The following SPARCL1 variants were observed in gnomAD, a reference collection of about 807,000 sequenced individuals.
SPARCL1 encodes SPARC like 1, also known as SPARC-like protein 1.
SPARCL1 carries 52 observed loss-of-function variants against 67.1 expected under a neutral mutation model. The observed-to-expected ratio is 0.78, with a 90% CI of 0.62 to 0.98. The LOEUF is 0.98. Ranked by LOEUF, SPARCL1 falls within the 50% of genes least tolerant of loss-of-function variation. The pLI, the probability that SPARCL1 is intolerant of heterozygous loss-of-function variation, is 0.00. For synonymous variants in SPARCL1, 226 were observed against 267.8 expected, an observed-to-expected ratio of 0.84 and a Z score of 1.52; for missense variants, 717 against 782.4, an observed-to-expected ratio of 0.92 and a Z score of 1.00.
In SPARCL1 at chr4:87,493,890, C is replaced by T; in HGVS notation, c.910G>A (p.Ala304Thr). 1 of 1,614,168 alleles carries T rather than the reference C, an allele frequency of 6.2e-7. No individual in the cohort carries two copies. The highest frequency in any genetic ancestry group is 8.5e-7 in the Non-Finnish European group (1 of 1,180,026). ...TCTGTCTCTTTGTGGTTGCTGATAG[C>T]TTCTAGGCCAGTTTTACCCTCTTGA... ...QSQEGKTGLE[A>T]ISNHKETEEK... Residue 304 changes from alanine (A) to threonine (T), a missense_variant, in exon 4 of 11, where the codon GCT becomes ACT. Coordinates refer to ENST00000282470, the MANE Select transcript of SPARCL1 (RefSeq NM_004684.6).
chr4:87,474,872 G>A (rs12650133), intron 10 of SPARCL1, among the ~76,000 whole-genome samples: 17,486 of 151,322 alleles, frequency 0.12, 1,044 homozygotes, highest in East Asian at 0.18. Context: ...CCTCCCGAGT[G>A]GCTGGGACTA....
intron 1 of SPARCL1, among the ~76,000 whole-genome samples, chr4:87,527,356 G>T (rs1254855564): frequency 6.6e-6 from 1 of 152,084 alleles, no homozygotes; most frequent in Non-Finnish European, 1.5e-5. Context: ...AGAGGGATAA[G>T]TGAGGACTAT....
chr4:87,526,213 C>T (rs1026014135), intron 1 of SPARCL1, among the ~76,000 whole-genome samples: 2 of 152,210 alleles, frequency 1.3e-5, no homozygotes, highest in Admixed American at 1.3e-4. Context: ...ACTGATGCAG[C>T]AGTGAAGTCT....
intron 1 of SPARCL1, among the ~76,000 whole-genome samples, chr4:87,501,127 CA>C (rs1325678594): frequency 6.6e-6 from 1 of 152,190 alleles, no homozygotes; most frequent in Non-Finnish European, 1.5e-5. Flanking sequence ...GCTACATCAA[CA>C]ACCCCGTAAG....
intron 8 of SPARCL1, 74 bp downstream of exon 8, chr4:87,482,350 A>G (rs927166719): frequency 6.6e-7 from 1 of 1,511,966 alleles, no homozygotes; most frequent in East Asian, 2.3e-5. Context: ...AGAGGTAGGT[A>G]GCCCCCCCAC....
intron 9 of SPARCL1, among the ~76,000 whole-genome samples, 156 bp downstream of exon 9, chr4:87,480,216 C>G (rs1723755172): frequency 6.6e-6 from 1 of 152,094 alleles, no homozygotes; most frequent in South Asian, 2.1e-4. Context: ...ACATCATACA[C>G]AGCAGCTTTG....
At chr4:87,492,588 C>T (rs1388386527) in intron 4 of SPARCL1, among the ~76,000 whole-genome samples, 2 of 152,260 alleles carry the variant, frequency 1.3e-5, no homozygotes, top group East Asian at 1.9e-4. Flanking sequence ...TGAGAAAACA[C>T]TAGAAATGTA....
intron 8 of SPARCL1, among the ~76,000 whole-genome samples, chr4:87,480,737 A>T (rs1723786873): frequency 1.3e-5 from 2 of 152,200 alleles, no homozygotes; most frequent in Non-Finnish European, 2.9e-5. Flanking sequence ...TCTGGTTTTT[A>T]GAAGAAATTT....
At chr4:87,477,264 A>G (rs1723619840) in intron 10 of SPARCL1, among the ~76,000 whole-genome samples, 2 of 152,212 alleles carry the variant, frequency 1.3e-5, no homozygotes, top group South Asian at 4.1e-4. Flanking sequence ...CTTTAAAATC[A>G]CATGTCATAT....
chr4:87,522,689 A>G (rs1725874893), intron 1 of SPARCL1, among the ~76,000 whole-genome samples: 1 of 151,242 alleles, frequency 6.6e-6, no homozygotes, highest in Non-Finnish European at 1.5e-5. Flanking sequence ...ACACGCACAC[A>G]CACAGAGTTA....
chr4:87,504,190 T>TGGGGGGGG (rs1724981733), intron 1 of SPARCL1, among the ~76,000 whole-genome samples: 2 of 16,820 alleles, frequency 1.2e-4, no homozygotes, highest in South Asian at 2.6e-3. Context: ...TGTGGTGGGG[T>TGGGGGGGG]GGGGGTGGGA....
At chr4:87,512,450 C>G (rs1013019526) in intron 1 of SPARCL1, among the ~76,000 whole-genome samples, 1 of 152,096 alleles carries the variant, frequency 6.6e-6, no homozygotes, top group Admixed American at 6.5e-5. Context: ...GTGACATTAG[C>G]AAGCATGATG....
rs773151342 is a variant in SPARCL1, at chr4:87,491,603, T to C, written c.1291+15A>G. On this transcript the variant is annotated intron_variant, in intron 5 of 10. Coordinates refer to ENST00000282470, the MANE Select transcript of SPARCL1 (RefSeq NM_004684.6). Reference sequence around the variant, plus strand: ...CTTGATATAGTCACAAACAGCTTGCTTCATGCATACTCACCCACAGCATGC... The same window carrying C: ...CTTGATATAGTCACAAACAGCTTGCCTCATGCATACTCACCCACAGCATGC... 6.2e-7 allele frequency: 1 copy of C among 1,602,462 alleles called. No individual in the cohort carries two copies. The highest frequency in any genetic ancestry group is 1.1e-5 in the South Asian group (1 of 90,874).
chr4:87,511,516 A>AGTT (rs1479833957), intron 1 of SPARCL1, among the ~76,000 whole-genome samples: 1 of 152,206 alleles, frequency 6.6e-6, no homozygotes, highest in African/African-American at 2.4e-5. Flanking sequence ...TAGCATGAGC[A>AGTT]GTTATTCAAC....
intron 7 of SPARCL1, among the ~76,000 whole-genome samples, chr4:87,483,904 A>G (rs1248003317): frequency 6.6e-6 from 1 of 152,094 alleles, no homozygotes; most frequent in Non-Finnish European, 1.5e-5. Context: ...GTGTCTGTTC[A>G]TATCCTTCAC....
At chr4:87,509,628 C>A (rs913586129) in intron 1 of SPARCL1, among the ~76,000 whole-genome samples, 4 of 152,122 alleles carry the variant, frequency 2.6e-5, no homozygotes, top group Non-Finnish European at 5.9e-5. Context: ...ATATTTGGGT[C>A]TCTAGGCTGT....
At chr4:87,474,819 T>G (rs963574117) in intron 10 of SPARCL1, among the ~76,000 whole-genome samples, 1 of 149,064 alleles carries the variant, frequency 6.7e-6, no homozygotes, top group Non-Finnish European at 1.5e-5. Flanking sequence ...CTCGGCTCAC[T>G]GCAAGCTCCG....
At chr4:87,508,907 A>ATATATATG (rs1725231699) in intron 1 of SPARCL1, among the ~76,000 whole-genome samples, 1 of 140,736 alleles carries the variant, frequency 7.1e-6, no homozygotes, top group African/African-American at 2.6e-5. Flanking sequence ...ATATATATAT[A>ATATATATG]GTATACATAT....
intron 10 of SPARCL1, among the ~76,000 whole-genome samples, chr4:87,474,903 C>T (rs1201158742): frequency 6.6e-6 from 1 of 151,946 alleles, no homozygotes; most frequent in Non-Finnish European, 1.5e-5. Context: ...CCACCACGCC[C>T]GGCTAATTTT....
Sources: allele counts gnomAD v4.1 joint callset (sites outside exome capture counted in the v4.1 genomes callset), GRCh38; gene constraint gnomAD v4.1.1; transcripts MANE v1.5; gene names NCBI Gene and HGNC (gene_info 2026-07-23, HGNC 2026-07-21).